The following PDE9A variants were observed in gnomAD, a reference collection of about 807,000 sequenced individuals.
PDE9A encodes phosphodiesterase 9A, also known as high affinity cGMP-specific 3',5'-cyclic phosphodiesterase 9A.
In PDE9A, 60 loss-of-function variants were observed where a neutral mutation model predicts 87.4. The ratio of observed to expected loss-of-function variants is 0.69; its 90% CI spans 0.56 to 0.85. The LOEUF (loss-of-function observed/expected upper bound fraction) is 0.85. Among genes scored for constraint, PDE9A ranks in the 40% least tolerant of loss-of-function variants. The pLI is 0.00. For synonymous variants in PDE9A, 272 were observed against 279.4 expected (o/e 0.97, Z 0.27); for missense variants, 665 against 779.0 (o/e 0.85, Z 1.74).
In PDE9A at chr21:42,760,644, G is replaced by A. The variant is rs1051931461; in HGVS notation, c.1003-181G>A. Among the ~76,000 whole-genome samples the A allele has an allele frequency of 2.0e-5, 3 of 151,712 alleles. No individual in the cohort carries two copies. Among genetic ancestry groups the A allele is most frequent in the South Asian group, 2.1e-4 (1 of 4,808 alleles). The stretch of plus-strand genomic sequence containing the variant: ...GGATTACGAGAGCAGGTGAGTCCCC[G>A]ACCTGGTCACCCCCCCAACCCCCAC... On this transcript the variant is annotated intron_variant, in intron 12 of 19. Transcript: ENST00000291539. This position sits in a 1 kb window ranked among gnomAD's most constrained non-coding sequence, Gnocchi z 5.2.
chr21:42,774,129 T>C (rs2057310524), intron 19 of PDE9A, among the ~76,000 whole-genome samples: 1 of 151,932 alleles, frequency 6.6e-6, no homozygotes, highest in Admixed American at 6.6e-5. Flanking sequence ...AGACTCCATC[T>C]CAAAAAAATA....
rs1028497245 is a variant in PDE9A, at chr21:42,695,355, T to C, written c.219-3613T>C. On this transcript the variant is annotated intron_variant, in intron 3 of 19. Coordinates refer to ENST00000291539, the MANE Select transcript of PDE9A (RefSeq NM_002606.3). This position sits in a 1 kb window ranked among gnomAD's most constrained non-coding sequence, Gnocchi z 4.3. ...TGGAGATCCTGACATCCAGCTAACATGGGCGTTGCTTCCTGACAACCCTAC... is the reference window on the plus strand; with the variant it reads ...TGGAGATCCTGACATCCAGCTAACACGGGCGTTGCTTCCTGACAACCCTAC... 2.6e-5 allele frequency among the ~76,000 whole-genome samples: 4 copies of C among 152,186 alleles called. No individual in the cohort carries two copies. The highest frequency in any genetic ancestry group is 2.6e-4 in the Admixed American group (4 of 15,282).
chr21:42,668,178 C>T (rs1466149262), intron 1 of PDE9A, among the ~76,000 whole-genome samples: 1 of 152,164 alleles, frequency 6.6e-6, no homozygotes, highest in Admixed American at 6.5e-5. Context: ...AGAAGGTCCT[C>T]TCCCCCAGTG....
intron 1 of PDE9A, among the ~76,000 whole-genome samples, chr21:42,664,732 C>G (rs1423684509): frequency 6.6e-6 from 1 of 152,204 alleles, no homozygotes; most frequent in East Asian, 1.9e-4. Context: ...TGTAGCTCCC[C>G]CCATCACCAA....
chr21:42,657,775 G>A (rs888517881), intron 1 of PDE9A, among the ~76,000 whole-genome samples: 2 of 152,240 alleles, frequency 1.3e-5, no homozygotes, highest in Admixed American at 6.5e-5. Flanking sequence ...CGGGGCCTCT[G>A]TGGTGCCACT....
chr21:42,670,407 CATACATTCACACGCACTTACAG>C (rs2058437540), intron 1 of PDE9A, among the ~76,000 whole-genome samples: 1 of 141,554 alleles, frequency 7.1e-6, no homozygotes, highest in Non-Finnish European at 1.5e-5. Flanking sequence ...AACATTCACA[CATACATTCACACGCACTTACAG>C]TCACACATAC....
chr21:42,746,426 G>T (rs1043522399), intron 8 of PDE9A, among the ~76,000 whole-genome samples: 1 of 152,166 alleles, frequency 6.6e-6, no homozygotes. Context: ...GGACCTTCCC[G>T]GTCTCTCTTG....
Position 42,697,451 on chromosome 21 carries a change from G to A in PDE9A, c.219-1517G>A, listed in dbSNP as rs903213558. 81 of 1,612,432 alleles carry A rather than the reference G, an allele frequency of 5.0e-5. No individual in the cohort carries two copies. The Admixed American group carries it at 1.2e-3, about 23-fold the overall frequency. On this transcript the variant is annotated intron_variant, in intron 3 of 19. Transcript: ENST00000291539. ...TTCTCTATACATCACTCCGTAACTT[G>A]TTGTTTTTACCTAGTAAGGAGTCAT... is the stretch of plus-strand genomic sequence containing the variant.
Position 42,770,906 on chromosome 21 carries a change from G to T in PDE9A, c.1686+108G>T, listed in dbSNP as rs185468673. The T allele has an allele frequency of 2.5e-4, 191 of 779,238 alleles. 1 individual carries two copies. The African/African-American group carries it at 2.5e-3, about 10-fold the overall frequency. The allele number at this position is 779,238 out of a possible 1,614,324, so 48.3% of individuals were successfully genotyped here. A position where few individuals can be genotyped will look rare whatever the true frequency, so the allele number is the denominator to read the frequency against. On this transcript the variant is annotated intron_variant, in intron 18 of 19. Transcript: ENST00000291539. ...CGTGCCAAGCAGGGCACCACTGAAGGCCCCGTGGACAGGCACACGTGTACC... is the reference window on the plus strand; with the variant it reads ...CGTGCCAAGCAGGGCACCACTGAAGTCCCCGTGGACAGGCACACGTGTACC...
chr21:42,686,163 T>G (rs942032693), intron 1 of PDE9A, 29 bp from the exon 2 acceptor site: 1 of 1,596,324 alleles, frequency 6.3e-7, no homozygotes, highest in South Asian at 1.1e-5. Flanking sequence ...CCGCCCTCGC[T>G]GCCGCCTCAC....
rs544871573 is a variant in PDE9A at position 42,663,162 on chromosome 21, TCA to T, written c.69+9288_69+9289del. 3.1e-4 allele frequency among the ~76,000 whole-genome samples: 40 copies of T among 130,836 alleles called. No individual in the cohort carries two copies. The Middle Eastern group carries it at 0.017, about 56-fold the overall frequency. 85.8% of individuals were successfully genotyped at this position (130,836 alleles called of 152,430 possible). A position where few individuals can be genotyped will look rare whatever the true frequency, so the allele number is the denominator to read the frequency against. Reference sequence around the variant, plus strand: ...TGCACATCACACACCTGCATATACATCACACACACATCACACACATCCACATG... The same window carrying T: ...TGCACATCACACACCTGCATATACATCACACACATCACACACATCCACATG... On this transcript the variant is annotated intron_variant, in intron 1 of 19. Transcript: ENST00000291539.
At chr21:42,654,351 T>A (rs1271866509) in intron 1 of PDE9A, among the ~76,000 whole-genome samples, 3 of 152,032 alleles carry the variant, frequency 2.0e-5, no homozygotes, top group Non-Finnish European at 4.4e-5. Flanking sequence ...CTCGGGCCGC[T>A]GCACCTCCGG....
At chr21:42,671,305 G>GT (rs1443578939) in intron 1 of PDE9A, among the ~76,000 whole-genome samples, 1 of 152,096 alleles carries the variant, frequency 6.6e-6, no homozygotes, top group Non-Finnish European at 1.5e-5. Context: ...GTTTTGTTTT[G>GT]TTTTTTAAAT....
At chr21:42,770,604 A>T in intron 17 of PDE9A, 99 bp from the exon 18 acceptor site, 1 of 859,940 alleles carries the variant, frequency 1.2e-6, no homozygotes, top group Non-Finnish European at 1.9e-6. Flanking sequence ...GGACTGGCCC[A>T]GAGGTTTCCG....
chr21:42,709,189 A>G (rs1286546411), intron 4 of PDE9A, among the ~76,000 whole-genome samples: 2 of 152,200 alleles, frequency 1.3e-5, no homozygotes, highest in Admixed American at 1.3e-4. Flanking sequence ...ATCCTCAGCA[A>G]ATTAATGCAG....
chr21:42,749,938 G>A (rs769737258), intron 8 of PDE9A, among the ~76,000 whole-genome samples: 1 of 152,068 alleles, frequency 6.6e-6, no homozygotes, highest in African/African-American at 2.4e-5. Context: ...AGGAGTTCAC[G>A]ACCAGCCTGG....
At chr21:42,670,539 CACGT>C (rs1272929158) in intron 1 of PDE9A, among the ~76,000 whole-genome samples, 6 of 151,776 alleles carry the variant, frequency 4.0e-5, no homozygotes, top group African/African-American at 7.3e-5. Context: ...CATTCACACT[CACGT>C]ACACTTACCC....
intron 1 of PDE9A, among the ~76,000 whole-genome samples, chr21:42,671,948 C>G (rs2058584640): frequency 6.6e-6 from 1 of 152,118 alleles, no homozygotes; most frequent in African/African-American, 2.4e-5. Context: ...ATCCCCAAGC[C>G]CGGCTGAGAT....
At chr21:42,707,976 A>T (rs1305267684) in intron 4 of PDE9A, among the ~76,000 whole-genome samples, 1 of 152,218 alleles carries the variant, frequency 6.6e-6, no homozygotes, top group African/African-American at 2.4e-5. Flanking sequence ...TAGAACAGGA[A>T]TGCTTCCTAA....
Sources: allele counts gnomAD v4.1 joint callset (sites outside exome capture counted in the v4.1 genomes callset), GRCh38; gene constraint gnomAD v4.1.1; non-coding constraint Gnocchi (gnomAD v3.1); transcripts MANE v1.5; gene names NCBI Gene and HGNC (gene_info 2026-07-23, HGNC 2026-07-21).